Variants in SIPA1L1 observed in about 807,000 individuals in gnomAD.
SIPA1L1 encodes signal induced proliferation associated 1 like 1.
A neutral mutation model predicts 162.7 loss-of-function variants in SIPA1L1; 26 were observed. The observed-to-expected ratio is 0.16, with a 90% confidence interval of 0.12 to 0.22. The LOEUF is 0.22. SIPA1L1 is among the 10% of genes least tolerant of loss of function. SIPA1L1 has a pLI of 1.00. For synonymous variants in SIPA1L1, 829 were observed against 837.4 expected, an observed-to-expected ratio of 0.99 and a Z score of 0.17; for missense variants, 1,874 against 2,241.0, an observed-to-expected ratio of 0.84 and a Z score of 3.31.
At chr14:71,658,775 G>T (rs1046010515) in intron 9 of SIPA1L1, among the ~76,000 whole-genome samples, 3 of 152,200 alleles carry the variant, frequency 2.0e-5, no homozygotes, top group Non-Finnish European at 2.9e-5. Context: ...AGTGGGTGAA[G>T]TTTCATCTCA....
chr14:71,401,271 A>G (rs529672474), intron 2 of SIPA1L1, among the ~76,000 whole-genome samples: 2 of 152,298 alleles, frequency 1.3e-5, no homozygotes, highest in South Asian at 4.1e-4. Context: ...TGTTCTTCTC[A>G]AGTTACACTG....
At chr14:71,604,284 A>G (rs1276469395) in intron 5 of SIPA1L1, among the ~76,000 whole-genome samples, 4 of 152,016 alleles carry the variant, frequency 2.6e-5, no homozygotes, top group Non-Finnish European at 5.9e-5. Context: ...GGTTTGAGCA[A>G]CTGCACCTGG....
chr14:71,638,695 C>T (rs533991951), intron 7 of SIPA1L1, among the ~76,000 whole-genome samples: 1 of 152,298 alleles, frequency 6.6e-6, no homozygotes, highest in African/African-American at 2.4e-5. Flanking sequence ...GTAGACGCAG[C>T]AGTGGAAAAA....
chr14:71,675,877 A>G (rs981035356), intron 12 of SIPA1L1, among the ~76,000 whole-genome samples: 2 of 152,198 alleles, frequency 1.3e-5, no homozygotes, highest in Admixed American at 1.3e-4. Context: ...AGGATCTAAT[A>G]CAAACACAAA....
At chr14:71,420,261 T>A (rs761963695) in intron 2 of SIPA1L1, among the ~76,000 whole-genome samples, 12 of 152,120 alleles carry the variant, frequency 7.9e-5, no homozygotes, top group Non-Finnish European at 1.5e-4. Context: ...TTGGAAATGG[T>A]CATAATAAAT....
intron 13 of SIPA1L1, among the ~76,000 whole-genome samples, chr14:71,690,578 T>C (rs148073339): frequency 1.4e-3 from 209 of 152,310 alleles, no homozygotes; most frequent in Non-Finnish European, 2.5e-3. Context: ...TTCTGGATGG[T>C]GTTAGGTCCT....
chr14:71,709,759 A>C, intron 17 of SIPA1L1, 95 bp downstream of exon 17: 1 of 1,028,902 alleles, frequency 9.7e-7, no homozygotes, highest in Non-Finnish European at 1.4e-6. Flanking sequence ...GTGTATAAGG[A>C]AAGGAGGTTT....
intron 2 of SIPA1L1, among the ~76,000 whole-genome samples, chr14:71,365,090 G>T (rs1261514531): frequency 6.6e-6 from 1 of 151,952 alleles, no homozygotes; most frequent in Admixed American, 6.6e-5. Flanking sequence ...GTAGTAGTGC[G>T]ATCACGGCTC....
At chr14:71,373,552 G>T (rs2141049957) in intron 2 of SIPA1L1, among the ~76,000 whole-genome samples, 1 of 151,482 alleles carries the variant, frequency 6.6e-6, no homozygotes, top group Non-Finnish European at 1.5e-5. Context: ...TTGAACCCAG[G>T]AGGCTGAGGC....
intron 2 of SIPA1L1, among the ~76,000 whole-genome samples, chr14:71,371,648 C>T (rs1415822567): frequency 1.3e-5 from 2 of 152,144 alleles, no homozygotes; most frequent in East Asian, 3.8e-4. Context: ...GATCCACCTG[C>T]CTCTGCCTCC....
At chr14:71,670,602 T>C (rs1372812621) in intron 10 of SIPA1L1, among the ~76,000 whole-genome samples, 1 of 152,256 alleles carries the variant, frequency 6.6e-6, no homozygotes, top group African/African-American at 2.4e-5. Flanking sequence ...AGTTAAGTTT[T>C]ATTGAAATTT....
chr14:71,353,855 G>A (rs1436577860), intron 2 of SIPA1L1, among the ~76,000 whole-genome samples: 1 of 151,982 alleles, frequency 6.6e-6, no homozygotes, highest in African/African-American at 2.4e-5. Context: ...GTTGGAGACG[G>A]GCAGAAGGTG....
intron 17 of SIPA1L1, among the ~76,000 whole-genome samples, chr14:71,716,334 T>C (rs1156240735): frequency 6.6e-6 from 1 of 152,200 alleles, no homozygotes; most frequent in Non-Finnish European, 1.5e-5. Flanking sequence ...CGATCAGCTC[T>C]CCTCTCCTTG....
chr14:71,709,919 G>T (rs1222813728), intron 17 of SIPA1L1, among the ~76,000 whole-genome samples: 1 of 152,188 alleles, frequency 6.6e-6, no homozygotes, highest in Admixed American at 6.5e-5. Flanking sequence ...TTAAAATAAT[G>T]TTCCTGGCTA....
intron 4 of SIPA1L1, among the ~76,000 whole-genome samples, chr14:71,562,476 A>G (rs2056873296): frequency 6.6e-6 from 1 of 152,200 alleles, no homozygotes; most frequent in African/African-American, 2.4e-5. Context: ...AATATTGCCT[A>G]AAACTTCATT....
chr14:71,507,722 G>A (rs1164399770), intron 2 of SIPA1L1, among the ~76,000 whole-genome samples: 1 of 151,908 alleles, frequency 6.6e-6, no homozygotes, highest in Non-Finnish European at 1.5e-5. Context: ...CTTCATTATT[G>A]CCATTTCCTT....
intron 2 of SIPA1L1, among the ~76,000 whole-genome samples, chr14:71,402,983 T>C (rs888682526): frequency 1.3e-5 from 2 of 152,164 alleles, no homozygotes; most frequent in Non-Finnish European, 2.9e-5. Context: ...GTAGCCATCT[T>C]TAAAATAACA....
At chr14:71,329,681 GT>G in intron 2 of SIPA1L1, among the ~76,000 whole-genome samples, 1 of 152,086 alleles carries the variant, frequency 6.6e-6, no homozygotes, top group East Asian at 1.9e-4. Flanking sequence ...TTTGATATAT[GT>G]TTCTCTGATG....
rs370948054 is a variant in SIPA1L1, at chr14:71,618,297, ATC to A, written c.1499-451_1499-450del. 2.8e-4 allele frequency among the ~76,000 whole-genome samples: 43 copies of A among 152,320 alleles called. No homozygotes were observed. The South Asian group carries it at 8.7e-3, about 31-fold the overall frequency. ...TGCTGCCCAGAGACTCGCAGCACAC[ATC>A]TCTCTCTCCAATCCAGGGACATCTT... On this transcript the variant is annotated intron_variant, in intron 5 of 23. Coordinates refer to ENST00000381232, the MANE Select transcript of SIPA1L1 (RefSeq NM_001386936.1).
Sources: gnomAD v4.1 joint callset for allele counts (sites outside exome capture counted in the v4.1 genomes callset) on GRCh38, gnomAD v4.1.1 for gene constraint, MANE v1.5 for transcripts, NCBI Gene and HGNC (gene_info 2026-07-23, HGNC 2026-07-21) for gene names.